Variants in PTDSS2 observed in about 807,000 individuals in gnomAD.
The protein encoded by PTDSS2 is PSS-2.
In PTDSS2, 41 loss-of-function variants were observed where a neutral mutation model predicts 64.7. The observed-to-expected ratio is 0.63, with a 90% CI of 0.49 to 0.82. The LOEUF (loss-of-function observed/expected upper bound fraction) is 0.82, where lower values mean the gene tolerates loss of function less well. Ranked by LOEUF, PTDSS2 falls within the 40% of genes least tolerant of loss-of-function variation. The pLI is 0.00. For missense variants in PTDSS2, 485 were observed against 650.0 expected (o/e 0.75, Z 2.76); for synonymous variants, 297 against 277.8 (o/e 1.07, Z -0.69).
intron 1 of PTDSS2, among the ~76,000 whole-genome samples, chr11:454,478 T>C (rs1846492260): frequency 6.6e-6 from 1 of 152,180 alleles, no homozygotes; most frequent in Non-Finnish European, 1.5e-5. Flanking sequence ...GTTGGGTTGG[T>C]GGCCACTTTA....
In PTDSS2 at chr11:460,032, C is replaced by T; in HGVS notation, c.183-155C>T. ...CAGACGCAGGGTCATCTCGGAGTTA[C>T]CCAGCTAGGGACTCGCAGCCAGTTG... is the stretch of plus-strand genomic sequence containing the variant. On this transcript the variant is annotated intron_variant, in intron 1 of 11. Transcript: ENST00000308020. The surrounding 1 kb of genome is among the most constrained non-coding windows in gnomAD (Gnocchi z 5.8). The T allele has an allele frequency of 4.8e-6, 3 of 629,768 alleles. No homozygotes were observed. Among genetic ancestry groups the T allele is most frequent in the Middle Eastern group, 3.3e-4 (1 of 3,004 alleles). 39.0% of individuals were successfully genotyped at this position (629,768 alleles called of 1,614,324 possible).
In PTDSS2 at chr11:488,655, G is replaced by C; in HGVS notation, c.854+8G>C. 6.3e-7 allele frequency: 1 copy of C among 1,598,364 alleles called. No homozygotes were observed. Among genetic ancestry groups the C allele is most frequent in the Non-Finnish European group, 8.6e-7 (1 of 1,167,928 alleles). On this transcript the variant is annotated splice_region_variant and intron_variant, in intron 8 of 11. Transcript: ENST00000308020. Reference sequence around the variant, plus strand: ...GAACATTCCGACCTACAAGTACGTCGTGGGGGCTGCGAGGGCAGGGCCGGG... The same window carrying C: ...GAACATTCCGACCTACAAGTACGTCCTGGGGGCTGCGAGGGCAGGGCCGGG...
At chr11:456,071 G>A (rs1054610643) in intron 1 of PTDSS2, among the ~76,000 whole-genome samples, 1 of 152,186 alleles carries the variant, frequency 6.6e-6, no homozygotes, top group African/African-American at 2.4e-5. Context: ...CACGGACACA[G>A]CCAGAGCCAC....
intron 1 of PTDSS2, among the ~76,000 whole-genome samples, chr11:453,123 T>C (rs1310988214): frequency 6.6e-6 from 1 of 152,080 alleles, no homozygotes; most frequent in African/African-American, 2.4e-5. Context: ...TTGTCAGCCA[T>C]AGGGATAGGG....
intron 2 of PTDSS2, chr11:463,179 A>G (rs1283040723): frequency 6.6e-6 from 1 of 151,782 alleles, no homozygotes; most frequent in East Asian, 1.9e-4. Flanking sequence ...AAAAAAAAAG[A>G]AAAGAAAAGA....
chr11:473,209 G>A (rs936902590), intron 2 of PTDSS2, among the ~76,000 whole-genome samples: 1 of 152,188 alleles, frequency 6.6e-6, no homozygotes, highest in Non-Finnish European at 1.5e-5. Context: ...TGCCCAGAGC[G>A]GTCCCTCGCA....
At chr11:483,982 C>G (rs1226037730) in intron 4 of PTDSS2, among the ~76,000 whole-genome samples, 5 of 152,194 alleles carry the variant, frequency 3.3e-5, no homozygotes, top group Non-Finnish European at 7.3e-5. Flanking sequence ...CTGGTGCAGC[C>G]TGCATGGAGG....
At chr11:481,016 A>G (rs932793827) in intron 4 of PTDSS2, among the ~76,000 whole-genome samples, 2 of 151,450 alleles carry the variant, frequency 1.3e-5, no homozygotes, top group East Asian at 2.0e-4. Context: ...CCCGGGAGGC[A>G]GAGCTTGCAG....
chr11:459,970 A>G (rs1846798995), intron 1 of PTDSS2: 4 of 544,968 alleles, frequency 7.3e-6, no homozygotes, highest in South Asian at 6.4e-5. Context: ...CTTCCTGTCC[A>G]GCCTCCTGGG....
Position 450,331 on chromosome 11 carries a change from C to CCCGCGGGCCAGCG in PTDSS2, c.-119_-107dup. ...CGGCCCCGCGCTGCTCTCCTAAGAC[C>CCCGCGGGCCAGCG]CCGCGGGCCAGCGCCGCGACCCCTT... is the stretch of plus-strand genomic sequence containing the variant. On this transcript the variant is annotated 5_prime_UTR_variant, in exon 1 of 12. It removes the in-frame stop codon of an upstream open reading frame in the 5' UTR. Transcript: ENST00000308020. 1 of 853,732 alleles carries CCCGCGGGCCAGCG rather than the reference C, an allele frequency of 1.2e-6. No homozygotes were observed. The highest frequency in any genetic ancestry group is 1.8e-5 in the African/African-American group (1 of 56,560). 52.9% of individuals were successfully genotyped at this position (853,732 alleles called of 1,614,324 possible).
chr11:450,454 C>T lies in PTDSS2; in HGVS notation c.-2C>T. ...GGCGGAGTGGCTCCGGGCCGAAACG[C>T]CATGCGGAGGGGCGAGCGCAGGGAC... is the stretch of plus-strand genomic sequence containing the variant. On this transcript the variant is annotated 5_prime_UTR_variant, in exon 1 of 12. Transcript: ENST00000308020. 15 of 1,227,450 alleles carry T rather than the reference C, an allele frequency of 1.2e-5. No individual in the cohort carries two copies. Among genetic ancestry groups the T allele is most frequent in the Non-Finnish European group, 1.5e-5 (15 of 982,728 alleles). The allele number at this position is 1,227,450 out of a possible 1,614,324, so 76.0% of individuals were successfully genotyped here. A position where few individuals can be genotyped will look rare whatever the true frequency, so the allele number is the denominator to read the frequency against.
At position 466,044 on chromosome 11, in the gene PTDSS2, T is replaced by C. The variant is rs916100197; in HGVS notation, c.284+5756T>C. 3.9e-5 allele frequency among the ~76,000 whole-genome samples: 6 copies of C among 152,194 alleles called. No homozygotes were observed. In the East Asian group the frequency reaches 1.2e-3, roughly 29 times the overall value. On this transcript the variant is annotated intron_variant, in intron 2 of 11. Coordinates refer to ENST00000308020, the MANE Select transcript of PTDSS2 (RefSeq NM_030783.3). ...AAACACCTATCTGATAAAGTACTTG[T>C]ATTCAAAATATGCAAAGAACTCTTA...
chr11:484,106 T>C (rs903801603), intron 4 of PTDSS2, among the ~76,000 whole-genome samples: 1 of 152,236 alleles, frequency 6.6e-6, no homozygotes, highest in Non-Finnish European at 1.5e-5. Context: ...TGTATTTATT[T>C]ATATCAGTGT....
chr11:485,508 G>GGC (rs1348055293), intron 4 of PTDSS2, among the ~76,000 whole-genome samples: 4 of 132,336 alleles, frequency 3.0e-5, no homozygotes, highest in Admixed American at 2.3e-4. Flanking sequence ...AAACTGCACA[G>GGC]GCGCGTGTGC....
upstream of PTDSS2, among the ~76,000 whole-genome samples, chr11:448,793 C>G (rs1846198985): frequency 6.6e-6 from 1 of 152,246 alleles, no homozygotes; most frequent in African/African-American, 2.4e-5. Flanking sequence ...AGATATACTT[C>G]ACATATCATG....
At chr11:489,764 C>A in intron 10 of PTDSS2, 31 bp downstream of exon 10, 3 of 1,597,256 alleles carry the variant, frequency 1.9e-6, no homozygotes, top group Non-Finnish European at 2.6e-6. Flanking sequence ...GGTGGAGACA[C>A]CCCCGGGGGG....
chr11:478,976 G>A, intron 3 of PTDSS2, 109 bp from the exon 4 acceptor site: 1 of 788,272 alleles, frequency 1.3e-6, no homozygotes, highest in Non-Finnish European at 2.2e-6. Context: ...GCCTGTGAAG[G>A]GCCCAGAAGA....
chr11:487,589 G>A (rs1432125205), intron 6 of PTDSS2, 119 bp downstream of exon 6: 8 of 931,444 alleles, frequency 8.6e-6, no homozygotes, highest in Middle Eastern at 2.1e-4. Context: ...GGAGGGTGTC[G>A]CACTGCAGCC....
At chr11:464,976 T>C (rs117748478) in intron 2 of PTDSS2, among the ~76,000 whole-genome samples, 3,998 of 152,108 alleles carry the variant, frequency 0.026, 75 homozygotes, top group Non-Finnish European at 0.037. Flanking sequence ...TGCACCGAAA[T>C]ACCGAGCCCA....
Sources: allele counts gnomAD v4.1 joint callset (sites outside exome capture counted in the v4.1 genomes callset), GRCh38; gene constraint gnomAD v4.1.1; non-coding constraint Gnocchi (gnomAD v3.1); transcripts MANE v1.5; gene names NCBI Gene and HGNC (gene_info 2026-07-23, HGNC 2026-07-21).